The following ZDHHC15 variants were observed in gnomAD, a reference collection of about 807,000 sequenced individuals.
ZDHHC15 encodes palmitoyltransferase ZDHHC15.
In ZDHHC15, 19 loss-of-function variants were observed where a neutral mutation model predicts 31.7. The observed-to-expected ratio is 0.60, with a 90% CI of 0.42 to 0.88. ZDHHC15 has a LOEUF of 0.88. Ranked by LOEUF, ZDHHC15 falls within the 40% of genes least tolerant of loss-of-function variation. The pLI, the probability that ZDHHC15 is intolerant of heterozygous loss-of-function variation, is 0.00. For synonymous variants in ZDHHC15, 103 were observed against 90.0 expected, an observed-to-expected ratio of 1.14 and a Z score of -0.82; for missense variants, 209 against 251.2, an observed-to-expected ratio of 0.83 and a Z score of 1.14.
intron 3 of ZDHHC15, among the ~76,000 whole-genome samples, chrX:75,465,457 T>G (rs2084388313): frequency 9.0e-6 from 1 of 111,651 alleles, no homozygotes; most frequent in Non-Finnish European, 1.9e-5. Context: ...AAAAAGCTAT[T>G]TAAAAATTCG....
At chrX:75,514,946 T>C (rs949091896) in intron 1 of ZDHHC15, among the ~76,000 whole-genome samples, 10 of 111,673 alleles carry the variant, frequency 9.0e-5, no homozygotes, top group Non-Finnish European at 1.9e-4. Context: ...ACTATAAACA[T>C]CTCTATGCAA....
chrX:75,376,494 G>A (rs1419040159), intron 11 of ZDHHC15, among the ~76,000 whole-genome samples: 1 of 110,770 alleles, frequency 9.0e-6, no homozygotes, highest in East Asian at 2.8e-4. Context: ...TGTTGAGAAG[G>A]GTATTTCCTA....
chrX:75,423,296 C>G (rs2083671885), intron 8 of ZDHHC15, among the ~76,000 whole-genome samples: 2 of 108,489 alleles, frequency 1.8e-5, no homozygotes, highest in South Asian at 8.3e-4. Flanking sequence ...CACCCAGGTA[C>G]TAAGCATAGT....
intron 10 of ZDHHC15, among the ~76,000 whole-genome samples, chrX:75,394,878 T>C (rs2147784091): frequency 8.9e-6 from 1 of 111,976 alleles, no homozygotes; most frequent in Admixed American, 9.4e-5. Flanking sequence ...AACCTAAAAA[T>C]ATTTACAGAA....
chrX:75,475,245 C>T (rs1317501857), intron 3 of ZDHHC15, among the ~76,000 whole-genome samples: 1 of 111,174 alleles, frequency 9.0e-6, no homozygotes, highest in Admixed American at 9.6e-5. Flanking sequence ...ATGATGTAGT[C>T]CAATTTATGT....
At chrX:75,398,050 A>G (rs2083316747) in intron 10 of ZDHHC15, among the ~76,000 whole-genome samples, 1 of 112,156 alleles carries the variant, frequency 8.9e-6, no homozygotes, top group Admixed American at 9.4e-5. Flanking sequence ...ACTCTTGTAC[A>G]TAGCCCTAGG....
At chrX:75,479,136 C>G (rs1301208733) in intron 2 of ZDHHC15, 151 bp from the exon 3 acceptor site, 4 of 384,701 alleles carry the variant, frequency 1.0e-5, no homozygotes, top group Non-Finnish European at 1.3e-5. Context: ...TTTTCCCATA[C>G]AGTGACAGAA....
intron 10 of ZDHHC15, among the ~76,000 whole-genome samples, chrX:75,382,761 G>A (rs2083129160): frequency 8.9e-6 from 1 of 112,225 alleles, no homozygotes; most frequent in Admixed American, 9.4e-5. Flanking sequence ...ATCAGGTTGA[G>A]CTTGGAGCCA....
intron 10 of ZDHHC15, among the ~76,000 whole-genome samples, chrX:75,409,606 C>T (rs1054869467): frequency 9.5e-6 from 1 of 105,143 alleles, no homozygotes; most frequent in Admixed American, 1.0e-4. Flanking sequence ...ACCATCCTGG[C>T]TAACACGGTG....
At chrX:75,382,117 A>G (rs2083120960) in intron 10 of ZDHHC15, among the ~76,000 whole-genome samples, 1 of 112,208 alleles carries the variant, frequency 8.9e-6, no homozygotes, top group Non-Finnish European at 1.9e-5. Flanking sequence ...GGCAATGAGC[A>G]CACCAAGTCT....
chrX:75,433,685 GTGTGTGTGTGTGTATA>G (rs758189329), intron 4 of ZDHHC15, among the ~76,000 whole-genome samples: 1,277 of 11,471 alleles, frequency 0.11, 11 homozygotes, highest in South Asian at 0.52. Context: ...GTGTGTGTGT[GTGTGTGTGTGTGTATA>G]TATATATATA....
intron 3 of ZDHHC15, among the ~76,000 whole-genome samples, chrX:75,474,484 TTTA>T (rs1458744222): frequency 2.1e-5 from 1 of 48,537 alleles, no homozygotes; most frequent in Non-Finnish European, 5.1e-5. Flanking sequence ...TATATGTACT[TTTA>T]TTATACTTAC....
At chrX:75,491,944 T>C (rs960071618) in intron 2 of ZDHHC15, among the ~76,000 whole-genome samples, 1 of 111,314 alleles carries the variant, frequency 9.0e-6, no homozygotes, top group African/African-American at 3.3e-5. Context: ...CATAACAATA[T>C]TAACCTTAAA....
chrX:75,482,438 G>A (rs937992299), intron 2 of ZDHHC15, among the ~76,000 whole-genome samples: 3 of 111,564 alleles, frequency 2.7e-5, no homozygotes, highest in African/African-American at 9.8e-5. Context: ...ATTACATTTT[G>A]AAATGGCTTA....
chrX:75,520,268 TTAA>T (rs1259812314), intron 1 of ZDHHC15, among the ~76,000 whole-genome samples: 1 of 112,071 alleles, frequency 8.9e-6, no homozygotes, highest in Non-Finnish European at 1.9e-5. Flanking sequence ...CTTTCATCTG[TTAA>T]TATTACATGA....
chrX:75,456,846 C>A (rs1199463228), intron 3 of ZDHHC15, among the ~76,000 whole-genome samples: 1 of 111,429 alleles, frequency 9.0e-6, no homozygotes, highest in Non-Finnish European at 1.9e-5. Context: ...AGGCCACATA[C>A]TGTAAATTTA....
intron 2 of ZDHHC15, among the ~76,000 whole-genome samples, chrX:75,488,499 C>T (rs1282187166): frequency 8.9e-6 from 1 of 112,455 alleles, no homozygotes; most frequent in African/African-American, 3.2e-5. Context: ...CAAGCCAGCT[C>T]TACAAGAAAT....
chrX:75,475,178 G>C (rs1477271073), intron 3 of ZDHHC15, among the ~76,000 whole-genome samples: 1 of 112,231 alleles, frequency 8.9e-6, no homozygotes, highest in African/African-American at 3.2e-5. Flanking sequence ...CTGCTATTCT[G>C]TAGGCTGCCT....
chrX:75,481,034 CT>C (rs2084681421), intron 2 of ZDHHC15, among the ~76,000 whole-genome samples: 1 of 111,402 alleles, frequency 9.0e-6, no homozygotes, highest in Admixed American at 9.6e-5. Context: ...TGGCTACCCC[CT>C]GGGAGTGTCT....
Sources: gnomAD v4.1 joint callset for allele counts (sites outside exome capture counted in the v4.1 genomes callset) on GRCh38, gnomAD v4.1.1 for gene constraint, MANE v1.5 for transcripts, NCBI Gene and HGNC (gene_info 2026-07-23, HGNC 2026-07-21) for gene names.